The following NSRP1 variants were observed in gnomAD, a reference collection of about 807,000 sequenced individuals.
NSRP1 encodes the protein coiled-coil domain containing 55.
A neutral mutation model predicts 54.7 loss-of-function variants in NSRP1; 24 were observed. That is an observed-to-expected ratio of 0.44 (90% CI 0.32 to 0.62). The LOEUF (loss-of-function observed/expected upper bound fraction) is 0.62, where lower values mean the gene tolerates loss of function less well. NSRP1 is among the 20% of genes least tolerant of loss of function. The probability of loss-of-function intolerance (pLI) is 0.06; values close to 1 mark genes in which losing one functional copy is unlikely to be tolerated. For missense variants in NSRP1, 596 were observed against 651.2 expected, an observed-to-expected ratio of 0.92 and a Z score of 0.92; for synonymous variants, 210 against 213.8, an observed-to-expected ratio of 0.98 and a Z score of 0.15.
intron 2 of NSRP1, among the ~76,000 whole-genome samples, chr17:30,169,165 AT>A (rs1904840175): frequency 6.6e-6 from 1 of 152,054 alleles, no homozygotes; most frequent in Non-Finnish European, 1.5e-5. Flanking sequence ...CAGTCTGCTT[AT>A]TCTATATTTT....
chr17:30,179,561 A>G (rs764443341), intron 5 of NSRP1, among the ~76,000 whole-genome samples: 3 of 152,216 alleles, frequency 2.0e-5, no homozygotes, highest in Non-Finnish European at 2.9e-5. Flanking sequence ...CTTTTGCCTT[A>G]GAACATGATC....
chr17:30,119,113 G>A (rs1361194495), intron 2 of NSRP1, among the ~76,000 whole-genome samples: 1 of 149,618 alleles, frequency 6.7e-6, no homozygotes, highest in Admixed American at 6.7e-5. Flanking sequence ...TTTTGAGACA[G>A]AGTTTCGCTC....
chr17:30,170,341 AC>A (rs1258982459), intron 2 of NSRP1, among the ~76,000 whole-genome samples: 1 of 152,106 alleles, frequency 6.6e-6, no homozygotes, highest in Non-Finnish European at 1.5e-5. Context: ...GCTACAATTT[AC>A]TCATTTAGCA....
chr17:30,160,479 CGTT>C (rs754541019), intron 2 of NSRP1, among the ~76,000 whole-genome samples: 12 of 152,050 alleles, frequency 7.9e-5, no homozygotes, highest in African/African-American at 2.4e-4. Flanking sequence ...TCTCATTACT[CGTT>C]GTTTGTTCAG....
intron 2 of NSRP1, among the ~76,000 whole-genome samples, chr17:30,170,215 G>A (rs555569408): frequency 5.9e-5 from 9 of 152,052 alleles, no homozygotes; most frequent in African/African-American, 1.7e-4. Flanking sequence ...AAAATTAATT[G>A]TGCATATTAA....
At chr17:30,161,356 A>G (rs1904509359) in intron 2 of NSRP1, among the ~76,000 whole-genome samples, 1 of 151,958 alleles carries the variant, frequency 6.6e-6, no homozygotes, top group African/African-American at 2.4e-5. Flanking sequence ...GCTTGTGTTC[A>G]TTTTTGTCTC....
chr17:30,131,753 C>T (rs1472839231), intron 2 of NSRP1, among the ~76,000 whole-genome samples: 2 of 151,818 alleles, frequency 1.3e-5, no homozygotes, highest in African/African-American at 2.4e-5. Context: ...CTGCATTGAT[C>T]GACTCTTCCT....
intron 2 of NSRP1, among the ~76,000 whole-genome samples, chr17:30,152,766 T>G (rs2071924219): frequency 6.6e-6 from 1 of 152,126 alleles, no homozygotes; most frequent in Non-Finnish European, 1.5e-5. Context: ...CTTCTTGATC[T>G]GTTCCTCAGT....
intron 2 of NSRP1, among the ~76,000 whole-genome samples, chr17:30,142,879 T>C (rs895238150): frequency 6.6e-6 from 1 of 152,212 alleles, no homozygotes; most frequent in African/African-American, 2.4e-5. Flanking sequence ...ACCATTATAT[T>C]AGAAAAATTC....
rs1905517888 is a variant in NSRP1, at chr17:30,185,879, T to C, written c.*205T>C. On this transcript the variant is annotated 3_prime_UTR_variant, in exon 7 of 7. Coordinates refer to ENST00000247026, the MANE Select transcript of NSRP1 (RefSeq NM_032141.4). ...TGAATTTATATATAGTGTGTACTCA[T>C]CAATACCACATTCTTTGTTGTATTC... 1 of 414,230 alleles carries C rather than the reference T, an allele frequency of 2.4e-6. No individual in the cohort carries two copies. The highest frequency in any genetic ancestry group is 4.2e-6 in the Non-Finnish European group (1 of 237,944). The allele number at this position is 414,230 out of a possible 1,614,324, so 25.7% of individuals were successfully genotyped here. A position where few individuals can be genotyped will look rare whatever the true frequency, so the allele number is the denominator to read the frequency against.
At chr17:30,117,905 A>T (rs1355423947) in intron 1 of NSRP1, 175 bp from the exon 2 acceptor site, 4 of 547,168 alleles carry the variant, frequency 7.3e-6, no homozygotes, top group African/African-American at 3.8e-5. Context: ...TAATTATAGA[A>T]TCTTACGGCA....
Position 30,172,588 on chromosome 17 carries a change from C to T in NSRP1, c.161C>T (p.Ala54Val). Residue 54 changes from alanine (A) to valine (V), a missense_variant, in exon 3 of 7, where the codon GCC becomes GTC. Physicochemically the swap from Ala to Val is moderately conservative, Grantham distance 64. Transcript: ENST00000247026. Reference sequence around the variant, plus strand: ...CAGAGGGAAGCTGCTAAGAAGCAGGCCATGAAACAGGTAAGGTAGAAGACT... The same window carrying T: ...CAGAGGGAAGCTGCTAAGAAGCAGGTCATGAAACAGGTAAGGTAGAAGACT... ...SLQREAAKKQ[A>V]MKQTKLEIQK... The T allele has an allele frequency of 6.2e-7, 1 of 1,609,804 alleles. No individual in the cohort carries two copies. Among genetic ancestry groups the T allele is most frequent in the Non-Finnish European group, 8.5e-7 (1 of 1,177,414 alleles).
At chr17:30,121,863 C>T (rs1427963897) in intron 2 of NSRP1, among the ~76,000 whole-genome samples, 2 of 151,950 alleles carry the variant, frequency 1.3e-5, no homozygotes, top group African/African-American at 2.4e-5. Context: ...CCGCCGCGCC[C>T]GGCCAATTCA....
At chr17:30,139,702 A>AAAACAAAACT (rs1233726933) in intron 2 of NSRP1, among the ~76,000 whole-genome samples, 8 of 152,098 alleles carry the variant, frequency 5.3e-5, no homozygotes, top group African/African-American at 1.2e-4. Flanking sequence ...AGGATCTGCA[A>AAAACAAAACT]AAACAAAACT....
chr17:30,168,639 TA>T (rs1278386656), intron 2 of NSRP1, among the ~76,000 whole-genome samples: 1 of 149,846 alleles, frequency 6.7e-6, no homozygotes, highest in Non-Finnish European at 1.5e-5. Context: ...TCTGCTCTTT[TA>T]TGAGGAAATT....
intron 2 of NSRP1, among the ~76,000 whole-genome samples, chr17:30,157,737 C>T (rs1242296743): frequency 6.6e-6 from 1 of 152,104 alleles, no homozygotes; most frequent in Non-Finnish European, 1.5e-5. Context: ...TTTTTTAGCT[C>T]CCACATATGA....
intron 2 of NSRP1, among the ~76,000 whole-genome samples, chr17:30,165,016 G>A (rs927174013): frequency 2.6e-5 from 4 of 152,060 alleles, no homozygotes; most frequent in South Asian, 2.1e-4. Flanking sequence ...TGGCAAGAAC[G>A]AAATGTTTTT....
At chr17:30,170,343 T>C (rs1904884305) in intron 2 of NSRP1, among the ~76,000 whole-genome samples, 1 of 152,160 alleles carries the variant, frequency 6.6e-6, no homozygotes, top group Admixed American at 6.5e-5. Flanking sequence ...TACAATTTAC[T>C]CATTTAGCAT....
chr17:30,139,227 A>C (rs1420515617), intron 2 of NSRP1, among the ~76,000 whole-genome samples: 1 of 151,700 alleles, frequency 6.6e-6, no homozygotes, highest in Admixed American at 6.6e-5. Flanking sequence ...ATCTTTGCCC[A>C]TTTTTTAATC....
Sources: gnomAD v4.1 joint callset for allele counts (sites outside exome capture counted in the v4.1 genomes callset) on GRCh38, gnomAD v4.1.1 for gene constraint, MANE v1.5 for transcripts, NCBI Gene and HGNC (gene_info 2026-07-23, HGNC 2026-07-21) for gene names.